KSR1: variants seen among roughly 807,000 people sequenced by gnomAD.
KSR1 encodes the protein kinase suppressor of ras.
A neutral mutation model predicts 92.9 loss-of-function variants in KSR1; 35 were observed. The observed-to-expected ratio is 0.38, with a 90% CI of 0.29 to 0.50. The LOEUF is 0.50. Among genes scored for constraint, KSR1 ranks in the 20% least tolerant of loss-of-function variants. KSR1 has a pLI of 0.94. For synonymous variants in KSR1, 467 were observed against 472.6 expected (o/e 0.99, Z 0.15); for missense variants, 972 against 1,158.5 (o/e 0.84, Z 2.34).
chr17:27,470,749 C>A (rs1452039193), intron 1 of KSR1, among the ~76,000 whole-genome samples: 4 of 152,160 alleles, frequency 2.6e-5, no homozygotes, highest in Non-Finnish European at 4.4e-5. Flanking sequence ...ATATTTTTTA[C>A]AATTCTTTCT....
rs759668239 is a variant in KSR1 at position 27,603,857 on chromosome 17, G to T, written c.1534G>T (p.Ala512Ser). Reference sequence around the variant, plus strand: ...AGACATTTCAGCCTTTGCACACGCAGCCCCGCTCCCTGAAGCTGCCGACGG... The same window carrying T: ...AGACATTTCAGCCTTTGCACACGCATCCCCGCTCCCTGAAGCTGCCGACGG... ...FPDISAFAHA[A>S]PLPEAADGTR... The change falls in exon 12 of 21, where the codon GCC becomes TCC. Residue 512 changes from alanine to serine, a missense_variant. Coordinates refer to ENST00000644974, the MANE Select transcript of KSR1 (RefSeq NM_001394583.1). 9.7e-5 allele frequency: 157 copies of T among 1,613,872 alleles called. No homozygotes were observed. Among genetic ancestry groups the T allele is most frequent in the Non-Finnish European group, 1.3e-4 (157 of 1,179,876 alleles).
At chr17:27,558,211 C>A (rs980600946) in intron 2 of KSR1, 3 of 152,222 alleles carry the variant, frequency 2.0e-5, no homozygotes, top group Non-Finnish European at 4.4e-5. Context: ...CCTGCCAGAC[C>A]TCTTCACGCA....
intron 2 of KSR1, among the ~76,000 whole-genome samples, chr17:27,566,742 T>C (rs1326121281): frequency 6.6e-6 from 1 of 152,246 alleles, no homozygotes; most frequent in East Asian, 1.9e-4. Context: ...CTGTCTTCTG[T>C]GTGATAAAGT....
intron 1 of KSR1, among the ~76,000 whole-genome samples, chr17:27,495,293 C>A (rs553308861): frequency 6.6e-5 from 10 of 152,290 alleles, no homozygotes; most frequent in African/African-American, 9.6e-5. Flanking sequence ...TGGCCTTGTC[C>A]AACATCTTGG....
At chr17:27,473,592 T>C (rs1567743178) in intron 1 of KSR1, among the ~76,000 whole-genome samples, 1 of 152,104 alleles carries the variant, frequency 6.6e-6, no homozygotes, top group African/African-American at 2.4e-5. Flanking sequence ...CTCAAATAAT[T>C]TTGCCTCTGC....
chr17:27,621,012 T>C (rs1725084785), intron 19 of KSR1, 181 bp from the exon 20 acceptor site: 1 of 393,072 alleles, frequency 2.5e-6, no homozygotes, highest in Non-Finnish European at 4.5e-6. Context: ...ACTTTCTCTT[T>C]TCTTTCCATT....
chr17:27,525,319 G>T (rs1335611403), intron 1 of KSR1, among the ~76,000 whole-genome samples: 1 of 152,214 alleles, frequency 6.6e-6, no homozygotes, highest in East Asian at 1.9e-4. Flanking sequence ...GCCTTTTGTG[G>T]GTCTGTGCTG....
intron 1 of KSR1, among the ~76,000 whole-genome samples, chr17:27,489,705 T>C (rs2068765557): frequency 6.6e-6 from 1 of 152,166 alleles, no homozygotes; most frequent in African/African-American, 2.4e-5. Context: ...TTCTCTCCCC[T>C]GTGGGGCTGC....
intron 1 of KSR1, among the ~76,000 whole-genome samples, chr17:27,507,806 C>G (rs759668265): frequency 1.1e-4 from 17 of 151,964 alleles, no homozygotes; most frequent in Non-Finnish European, 2.4e-4. Flanking sequence ...AACTCCCAAC[C>G]TCAGGTGATC....
chr17:27,502,390 C>T (rs889279000), intron 1 of KSR1, among the ~76,000 whole-genome samples: 1 of 152,160 alleles, frequency 6.6e-6, no homozygotes, highest in African/African-American at 2.4e-5. Flanking sequence ...TGAAGTATCC[C>T]CTCCCTGATT....
chr17:27,616,142 C>A (rs999595997), intron 18 of KSR1, among the ~76,000 whole-genome samples: 2 of 152,146 alleles, frequency 1.3e-5, no homozygotes, highest in Admixed American at 1.3e-4. Flanking sequence ...CTTTATTGGA[C>A]CTTTTCAGCT....
rs751092460 is a variant in KSR1 at position 27,507,563 on chromosome 17, C to CTTTTTTTT, written c.232-42982_232-42975dup. On this transcript the variant is annotated intron_variant, in intron 1 of 20. Transcript: ENST00000644974. ...GATCATTAAAATCTTTATTGTTTGG[C>CTTTTTTTT]TTTTTTTTTTTTTTTTTTTTTTTTT... Among the ~76,000 whole-genome samples the CTTTTTTTT allele has an allele frequency of 9.2e-5, 4 of 43,298 alleles. 1 individual carries two copies. Among genetic ancestry groups the CTTTTTTTT allele is most frequent in the African/African-American group, 1.8e-4 (2 of 11,264 alleles). The allele number at this position is 43,298 out of a possible 152,430, so 28.4% of individuals were successfully genotyped here.
At chr17:27,598,294 T>C (rs1598115344) in intron 10 of KSR1, among the ~76,000 whole-genome samples, 1 of 152,124 alleles carries the variant, frequency 6.6e-6, no homozygotes, top group African/African-American at 2.4e-5. Context: ...CCACAGGCCG[T>C]CTCCAGCCCA....
At chr17:27,592,445 C>T in intron 8 of KSR1, 23 bp downstream of exon 8, 1 of 1,613,574 alleles carries the variant, frequency 6.2e-7, no homozygotes, top group Non-Finnish European at 8.5e-7. Context: ...CCTTCCTCTC[C>T]TCTGCCTTCT....
chr17:27,515,912 G>A (rs566741706), intron 1 of KSR1, among the ~76,000 whole-genome samples: 3 of 150,728 alleles, frequency 2.0e-5, no homozygotes, highest in African/African-American at 7.3e-5. Context: ...CTTTTTTTTT[G>A]TTAAGGGAAG....
At chr17:27,557,276 G>A (rs1186579764) in intron 2 of KSR1, among the ~76,000 whole-genome samples, 4 of 152,210 alleles carry the variant, frequency 2.6e-5, no homozygotes, top group Non-Finnish European at 5.9e-5. Context: ...GCACCCTGAA[G>A]GAATGGTTCC....
chr17:27,595,328 A>G (rs577182770), intron 9 of KSR1, among the ~76,000 whole-genome samples: 46 of 152,218 alleles, frequency 3.0e-4, no homozygotes, highest in Admixed American at 5.9e-4. Context: ...GCTCCTAGCT[A>G]GCAGGTCTGC....
At chr17:27,603,239 G>A (rs534172932) in intron 11 of KSR1, among the ~76,000 whole-genome samples, 16 of 152,308 alleles carry the variant, frequency 1.1e-4, no homozygotes, top group Non-Finnish European at 2.1e-4. Context: ...GATATGTGGC[G>A]TTTCTTCCTC....
chr17:27,570,035 C>T (rs2072244903), intron 2 of KSR1, among the ~76,000 whole-genome samples: 1 of 152,180 alleles, frequency 6.6e-6, no homozygotes, highest in African/African-American at 2.4e-5. Context: ...GTGCCAGCCT[C>T]CTCCAAAGGA....
Sources: allele counts gnomAD v4.1 joint callset (sites outside exome capture counted in the v4.1 genomes callset), GRCh38; gene constraint gnomAD v4.1.1; transcripts MANE v1.5; gene names NCBI Gene and HGNC (gene_info 2026-07-23, HGNC 2026-07-21).